Variants in NUP153 observed in about 807,000 individuals in gnomAD.
NUP153 encodes nuclear pore complex protein Nup153.
A neutral mutation model predicts 134.6 loss-of-function variants in NUP153; 27 were observed. The observed-to-expected ratio is 0.20, with a 90% CI of 0.15 to 0.28. NUP153 has a LOEUF of 0.28. Ranked by LOEUF, NUP153 falls within the 10% of genes least tolerant of loss-of-function variation. The pLI, the probability that NUP153 is intolerant of heterozygous loss-of-function variation, is 1.00. For synonymous variants in NUP153, 640 were observed against 623.5 expected (o/e 1.03, Z -0.40); for missense variants, 1,821 against 1,731.3 (o/e 1.05, Z -0.92).
chr6:17,694,039 TG>T (rs1470554974), intron 1 of NUP153, among the ~76,000 whole-genome samples: 1 of 152,218 alleles, frequency 6.6e-6, no homozygotes, highest in African/African-American at 2.4e-5. Context: ...TTTTCAAAAT[TG>T]GGTATCCCAT....
In NUP153 at chr6:17,688,534, A is replaced by G; in HGVS notation, c.196T>C (p.Cys66Arg). ...TCGCTTGTGTCTGTTGAACAGCTGCATACATCTTCATTCTTGTTGAAGTAT... is the reference window on the plus strand; with the variant it reads ...TCGCTTGTGTCTGTTGAACAGCTGCGTACATCTTCATTCTTGTTGAAGTAT... ...QRYFNKNEDVCSCSTDTSEVP... is the reference protein window; with the variant it reads ...QRYFNKNEDVRSCSTDTSEVP... The change falls in exon 2 of 22, where the codon TGC (cysteine) becomes CGC (arginine). Residue 66 changes from cysteine to arginine, a missense_variant. By Grantham distance (180) the Cys-to-Arg change is radical (BLOSUM62 -3). Transcript: ENST00000262077. 1 of 1,614,154 alleles carries G rather than the reference A, an allele frequency of 6.2e-7. No homozygotes were observed. The highest frequency in any genetic ancestry group is 2.2e-5 in the East Asian group (1 of 44,878).
At chr6:17,696,151 A>C (rs2113859547) in intron 1 of NUP153, among the ~76,000 whole-genome samples, 2 of 152,326 alleles carry the variant, frequency 1.3e-5, no homozygotes, top group Middle Eastern at 3.4e-3. Flanking sequence ...AACCAACCCC[A>C]AAAAAGTTAA....
intron 14 of NUP153, among the ~76,000 whole-genome samples, chr6:17,644,332 CACTGCTATCACTAT>C (rs953362213): frequency 6.6e-5 from 10 of 152,266 alleles, no homozygotes; most frequent in African/African-American, 1.7e-4. Context: ...GCACTCACCA[CACTGCTATCACTAT>C]ACTCACATCC....
intron 1 of NUP153, among the ~76,000 whole-genome samples, chr6:17,691,356 G>C (rs1217993198): frequency 1.3e-5 from 2 of 152,148 alleles, no homozygotes; most frequent in Non-Finnish European, 2.9e-5. Flanking sequence ...TGGAAAGAAA[G>C]CCTATATACC....
intron 1 of NUP153, among the ~76,000 whole-genome samples, chr6:17,691,952 C>T (rs1031381251): frequency 6.6e-6 from 1 of 152,194 alleles, no homozygotes; most frequent in African/African-American, 2.4e-5. Flanking sequence ...AGGCCGACTA[C>T]CACATCCAGC....
At chr6:17,660,530 A>G (rs984628653) in intron 11 of NUP153, among the ~76,000 whole-genome samples, 1 of 151,774 alleles carries the variant, frequency 6.6e-6, no homozygotes, top group African/African-American at 2.4e-5. Flanking sequence ...TATATAGAGA[A>G]CTCTTTCTAA....
chr6:17,682,845 G>A (rs1422975610), intron 2 of NUP153, among the ~76,000 whole-genome samples: 2 of 151,400 alleles, frequency 1.3e-5, no homozygotes, highest in Non-Finnish European at 2.9e-5. Context: ...TTTATCGCAG[G>A]AGGCTGAAGT....
chr6:17,701,842 G>GGT (rs1554148664), intron 1 of NUP153, among the ~76,000 whole-genome samples: 1 of 102,912 alleles, frequency 9.7e-6, no homozygotes, highest in Non-Finnish European at 2.1e-5. Flanking sequence ...CGGGGGGGGG[G>GGT]GGAAAAAAGC....
chr6:17,673,851 T>C (rs1768057721), intron 5 of NUP153, among the ~76,000 whole-genome samples: 1 of 152,210 alleles, frequency 6.6e-6, no homozygotes, highest in African/African-American at 2.4e-5. Context: ...ATTCAACTCC[T>C]AGGTATTTGT....
At chr6:17,693,428 A>G (rs1581775362) in intron 1 of NUP153, among the ~76,000 whole-genome samples, 1 of 151,982 alleles carries the variant, frequency 6.6e-6, no homozygotes, top group Non-Finnish European at 1.5e-5. Flanking sequence ...CATCTCCAAA[A>G]CTACCACTCC....
At chr6:17,677,964 C>T (rs1050748012) in intron 2 of NUP153, among the ~76,000 whole-genome samples, 1 of 152,016 alleles carries the variant, frequency 6.6e-6, no homozygotes, top group South Asian at 2.1e-4. Flanking sequence ...TTACCACATC[C>T]CCATAACTAA....
chr6:17,630,070 A>G (rs961412739), intron 17 of NUP153, among the ~76,000 whole-genome samples: 3 of 152,230 alleles, frequency 2.0e-5, no homozygotes, highest in African/African-American at 7.2e-5. Context: ...GCAGAAAGGG[A>G]GTGCGGTATA....
chr6:17,633,957 T>C (rs937490350), intron 16 of NUP153, among the ~76,000 whole-genome samples: 1 of 152,224 alleles, frequency 6.6e-6, no homozygotes, highest in African/African-American at 2.4e-5. Flanking sequence ...ACCTGCAATC[T>C]ACACTTCTGA....
intron 20 of NUP153, among the ~76,000 whole-genome samples, chr6:17,621,729 G>A (rs1034715398): frequency 1.3e-5 from 2 of 152,090 alleles, no homozygotes; most frequent in Non-Finnish European, 2.9e-5. Flanking sequence ...GGTGGTTAAC[G>A]AATACAAACA....
intron 11 of NUP153, among the ~76,000 whole-genome samples, chr6:17,652,838 A>G (rs1766583752): frequency 6.6e-6 from 1 of 152,108 alleles, no homozygotes. Context: ...AGCCTGACCA[A>G]CATGGTGAAA....
chr6:17,632,562 C>T, intron 17 of NUP153, 88 bp downstream of exon 17: 1 of 913,316 alleles, frequency 1.1e-6, no homozygotes, highest in Non-Finnish European at 1.6e-6. Flanking sequence ...TGAGTGAACA[C>T]TGAAGCTGTT....
chr6:17,654,241 A>G (rs1281734080), intron 11 of NUP153, among the ~76,000 whole-genome samples: 1 of 152,104 alleles, frequency 6.6e-6, no homozygotes, highest in African/African-American at 2.4e-5. Context: ...AAAAACATCA[A>G]CTATATAATC....
chr6:17,700,733 T>C (rs772059341), intron 1 of NUP153, among the ~76,000 whole-genome samples: 39 of 152,196 alleles, frequency 2.6e-4, no homozygotes, highest in Non-Finnish European at 5.0e-4. Context: ...CAATGACCTG[T>C]GGGCTGGGCC....
chr6:17,662,162 T>G, intron 9 of NUP153, 92 bp from the exon 10 acceptor site: 1 of 1,176,638 alleles, frequency 8.5e-7, no homozygotes, highest in South Asian at 1.4e-5. Context: ...ATATTTAGAA[T>G]CAGGAATTTG....
Sources: gnomAD v4.1 joint callset for allele counts (sites outside exome capture counted in the v4.1 genomes callset) on GRCh38, gnomAD v4.1.1 for gene constraint, MANE v1.5 for transcripts, NCBI Gene and HGNC (gene_info 2026-07-23, HGNC 2026-07-21) for gene names.